Variants in COX7A2 observed in about 807,000 individuals in gnomAD.
The protein encoded by COX7A2 is cytochrome c oxidase subunit 7A2, mitochondrial.
In COX7A2, 11 loss-of-function variants were observed where a neutral mutation model predicts 11.6. The ratio of observed to expected loss-of-function variants is 0.95; its 90% CI spans 0.60 to 1.57. The LOEUF (loss-of-function observed/expected upper bound fraction) is 1.57, where lower values mean the gene tolerates loss of function less well. COX7A2 is among the 40% of genes most tolerant of loss of function. The pLI is 0.00. For synonymous variants in COX7A2, 30 were observed against 38.2 expected (o/e 0.78, Z 0.79); for missense variants, 106 against 100.9 (o/e 1.05, Z -0.22).
chr6:75,243,828 C>T, upstream of COX7A2: 1 of 1,613,670 alleles, frequency 6.2e-7, no homozygotes. Context: ...CTTGCGTATG[C>T]ATTCACGAAC....
chr6:75,240,755 CT>C (rs3215929), intron 2 of COX7A2: 158,266 of 186,250 alleles, frequency 0.85, 68,369 homozygotes, highest in Non-Finnish European at 0.93. Flanking sequence ...TCATAGGAAA[CT>C]TTTTTTCCCT....
At position 75,243,750 on chromosome 6, in the gene COX7A2, C is replaced by G. The variant is rs1771602880; in HGVS notation, c.-16G>C. On this transcript the variant is annotated 5_prime_UTR_variant, in exon 1 of 4. Transcript: ENST00000684430. ...TCCGCAGCATCTTGGCTGTTACTGACCAGCAACCGCCACAACTGAACACCA... is the reference window on the plus strand; with the variant it reads ...TCCGCAGCATCTTGGCTGTTACTGAGCAGCAACCGCCACAACTGAACACCA... The G allele has an allele frequency of 2.5e-6, 4 of 1,613,952 alleles. No homozygotes were observed. The highest frequency in any genetic ancestry group is 2.5e-6 in the Non-Finnish European group (3 of 1,179,878).
At chr6:75,242,529 A>T (rs1771539428) in intron 1 of COX7A2, among the ~76,000 whole-genome samples, 1 of 151,910 alleles carries the variant, frequency 6.6e-6, no homozygotes, top group African/African-American at 2.4e-5. Flanking sequence ...AAAAAATAAA[A>T]AAATAAAAAA....
At chr6:75,238,189 G>C (rs1196131006) in intron 3 of COX7A2, among the ~76,000 whole-genome samples, 1 of 151,390 alleles carries the variant, frequency 6.6e-6, no homozygotes, top group Non-Finnish European at 1.5e-5. Flanking sequence ...TAGAAAGTGT[G>C]GCACAATAAT....
In COX7A2 at chr6:75,237,983, C is replaced by A. The variant is rs2149508301; in HGVS notation, c.199G>T (p.Ala67Ser). 6.5e-7 allele frequency: 1 copy of A among 1,542,198 alleles called. No individual in the cohort carries two copies. Among genetic ancestry groups the A allele is most frequent in the East Asian group, 2.3e-5 (1 of 44,000 alleles). The change falls in exon 4 of 4, where the codon GCA becomes TCA. Residue 67 changes from alanine to serine, a missense_variant. Coordinates refer to ENST00000684430, the MANE Select transcript of COX7A2 (RefSeq NM_001366293.2). ...ACAGCCAGCTCATATATGGCATATGCTGTTCCTAAAAATAAAAAACAAAAA... is the reference window on the plus strand; with the variant it reads ...ACAGCCAGCTCATATATGGCATATGATGTTCCTAAAAATAAAAAACAAAAA... ...ATMILTVGGTAYAIYELAVAS... is the reference protein window; with the variant it reads ...ATMILTVGGTSYAIYELAVAS...
At chr6:75,248,111 C>T (rs1288075814), upstream of COX7A2, among the ~76,000 whole-genome samples, 2 of 10,406 alleles carry the variant, frequency 1.9e-4, 1 homozygote, top group African/African-American at 5.5e-4. Context: ...TTTTTTGAGA[C>T]GGAGTCTCGC....
intron 1 of COX7A2, among the ~76,000 whole-genome samples, chr6:75,242,535 A>T (rs917088578): frequency 9.2e-5 from 14 of 151,820 alleles, no homozygotes; most frequent in Admixed American, 2.0e-4. Flanking sequence ...TAAAAAAATA[A>T]AAAAGGCCGT....
chr6:75,239,431 T>C (rs1380373013), intron 3 of COX7A2, among the ~76,000 whole-genome samples: 1 of 152,240 alleles, frequency 6.6e-6, no homozygotes, highest in Non-Finnish European at 1.5e-5. Context: ...GTAATTAATA[T>C]GATTTCTTCA....
At position 75,243,753 on chromosome 6, in the gene COX7A2, G is replaced by C; in HGVS notation, c.-19C>G. 6.2e-7 allele frequency: 1 copy of C among 1,613,880 alleles called. No individual in the cohort carries two copies. Among genetic ancestry groups the C allele is most frequent in the Non-Finnish European group, 8.5e-7 (1 of 1,179,864 alleles). On this transcript the variant is annotated 5_prime_UTR_variant, in exon 1 of 4. Coordinates refer to ENST00000684430, the MANE Select transcript of COX7A2 (RefSeq NM_001366293.2). The stretch of plus-strand genomic sequence containing the variant: ...GCAGCATCTTGGCTGTTACTGACCA[G>C]CAACCGCCACAACTGAACACCACCA...
upstream of COX7A2, among the ~76,000 whole-genome samples, chr6:75,244,300 C>A (rs1156601066): frequency 6.6e-6 from 1 of 152,224 alleles, no homozygotes; most frequent in African/African-American, 2.4e-5. Context: ...GCTGTAAGAG[C>A]TGTGTCGAGA....
upstream of COX7A2, among the ~76,000 whole-genome samples, chr6:75,245,543 T>C (rs187451580): frequency 1.9e-3 from 283 of 149,846 alleles, 1 homozygote; most frequent in South Asian, 5.0e-3. Context: ...AAAGTAGACA[T>C]AGATTCTTGT....
chr6:75,241,790 A>G (rs1771509497), intron 1 of COX7A2: 1 of 152,448 alleles, frequency 6.6e-6, no homozygotes, highest in African/African-American at 2.4e-5. Flanking sequence ...TCTACTAAAA[A>G]TACAAAATTA....
chr6:75,240,628 G>A (rs769171074), intron 2 of COX7A2: 5 of 389,486 alleles, frequency 1.3e-5, no homozygotes, highest in African/African-American at 2.1e-5. Flanking sequence ...ATCCATTAAT[G>A]ACGGTCTTTC....
At chr6:75,244,176 G>A (rs767487196), upstream of COX7A2, among the ~76,000 whole-genome samples, 3 of 152,184 alleles carry the variant, frequency 2.0e-5, no homozygotes, top group Non-Finnish European at 4.4e-5. Context: ...CCGAAATACA[G>A]CTCTGAAGCC....
At chr6:75,248,987 T>C (rs1771738314) in intron 1 of COX7A2, among the ~76,000 whole-genome samples, 1 of 152,154 alleles carries the variant, frequency 6.6e-6, no homozygotes, top group South Asian at 2.1e-4. Context: ...GCACGGATTA[T>C]AGCCTCACCC....
In COX7A2 at chr6:75,237,855, T is replaced by C; in HGVS notation, c.*75A>G. ...TAAATATTGATCCCCAAAGAAGAGC[T>C]CGGTTATTTATCAGATTACTGGTCC... On this transcript the variant is annotated 3_prime_UTR_variant, in exon 4 of 4. Coordinates refer to ENST00000684430, the MANE Select transcript of COX7A2 (RefSeq NM_001366293.2). The C allele has an allele frequency of 8.9e-7, 1 of 1,121,912 alleles. No homozygotes were observed. Among genetic ancestry groups the C allele is most frequent in the Non-Finnish European group, 1.3e-6 (1 of 752,752 alleles). 69.5% of individuals were successfully genotyped at this position (1,121,912 alleles called of 1,614,324 possible).
upstream of COX7A2, among the ~76,000 whole-genome samples, chr6:75,245,545 G>A (rs1771664106): frequency 6.7e-6 from 1 of 149,158 alleles, no homozygotes. Flanking sequence ...AGTAGACATA[G>A]ATTCTTGTAT....
At chr6:75,241,338 A>T in intron 1 of COX7A2, 73 bp from the exon 2 acceptor site, 4 of 1,302,016 alleles carry the variant, frequency 3.1e-6, no homozygotes, top group Non-Finnish European at 4.1e-6. Context: ...TCAGTCGTTC[A>T]TATTATAGAA....
upstream of COX7A2, chr6:75,243,871 C>A (rs1441145846): frequency 6.3e-7 from 1 of 1,583,820 alleles, no homozygotes; most frequent in Non-Finnish European, 8.6e-7. Flanking sequence ...GAGGCTTGCG[C>A]TCCTAACCAT....
Sources: gnomAD v4.1 joint callset for allele counts (sites outside exome capture counted in the v4.1 genomes callset) on GRCh38, gnomAD v4.1.1 for gene constraint, MANE v1.5 for transcripts, NCBI Gene and HGNC (gene_info 2026-07-23, HGNC 2026-07-21) for gene names.